HOMER2: variants seen among roughly 807,000 people sequenced by gnomAD.
HOMER2 encodes the protein homer protein homolog 2.
HOMER2 carries 27 observed loss-of-function variants against 47.0 expected under a neutral mutation model. The observed-to-expected ratio is 0.57, with a 90% confidence interval of 0.42 to 0.79. The LOEUF (loss-of-function observed/expected upper bound fraction) is 0.79, where lower values mean the gene tolerates loss of function less well. Among genes scored for constraint, HOMER2 ranks in the 30% least tolerant of loss-of-function variants. The probability of loss-of-function intolerance (pLI) is 0.00; values close to 1 mark genes in which losing one functional copy is unlikely to be tolerated. For missense variants in HOMER2, 443 were observed against 435.0 expected (o/e 1.02, Z -0.16); for synonymous variants, 161 against 163.8 (o/e 0.98, Z 0.13).
chr15:82,983,230 G>A (rs1294805986), intron 1 of HOMER2, among the ~76,000 whole-genome samples: 2 of 152,122 alleles, frequency 1.3e-5, no homozygotes, highest in Non-Finnish European at 2.9e-5. Context: ...GTTTGTATAG[G>A]TATTCAAAGT....
At chr15:82,929,653 C>CAA (rs373315567) in intron 1 of HOMER2, among the ~76,000 whole-genome samples, 1,758 of 90,764 alleles carry the variant, frequency 0.019, 63 homozygotes, top group African/African-American at 0.057. Flanking sequence ...GTGAGACTAT[C>CAA]AAAAAAAAAA....
chr15:82,977,786 G>A (rs1365069884), intron 1 of HOMER2, among the ~76,000 whole-genome samples: 2 of 152,096 alleles, frequency 1.3e-5, no homozygotes, highest in Non-Finnish European at 2.9e-5. Flanking sequence ...ACAAGAGGTG[G>A]GCTGAGTCTT....
intron 5 of HOMER2, among the ~76,000 whole-genome samples, chr15:82,856,069 A>T (rs144769381): frequency 6.6e-6 from 1 of 152,234 alleles, no homozygotes; most frequent in East Asian, 1.9e-4. Context: ...TTATCCCACA[A>T]CCTCAAGGAC....
At chr15:82,872,967 A>C (rs1310578008) in intron 3 of HOMER2, among the ~76,000 whole-genome samples, 2 of 152,232 alleles carry the variant, frequency 1.3e-5, no homozygotes, top group African/African-American at 2.4e-5. Flanking sequence ...AGGCCTTTAC[A>C]GCAAAACAGA....
intron 1 of HOMER2, among the ~76,000 whole-genome samples, chr15:82,907,634 T>C (rs1190731615): frequency 1.3e-5 from 2 of 152,168 alleles, no homozygotes; most frequent in Non-Finnish European, 2.9e-5. Context: ...CAATGGGGTA[T>C]AATTGGCACC....
intron 1 of HOMER2, among the ~76,000 whole-genome samples, chr15:82,918,340 C>A (rs777316143): frequency 1.2e-4 from 18 of 152,090 alleles, no homozygotes; most frequent in Non-Finnish European, 2.2e-4. Context: ...AGGTCTTTGC[C>A]AGGGATCCTC....
chr15:82,944,718 C>T (rs1481173641), intron 1 of HOMER2, among the ~76,000 whole-genome samples: 1 of 151,566 alleles, frequency 6.6e-6, no homozygotes, highest in Non-Finnish European at 1.5e-5. Flanking sequence ...GCTGTGGTGA[C>T]ATTTCAGTGG....
intron 2 of HOMER2, among the ~76,000 whole-genome samples, chr15:82,889,039 C>T (rs2078250569): frequency 6.6e-6 from 1 of 152,310 alleles, no homozygotes; most frequent in Admixed American, 6.5e-5. Flanking sequence ...AGAAGTACCA[C>T]TCAGAAGCTC....
intron 3 of HOMER2, among the ~76,000 whole-genome samples, chr15:82,864,907 T>TTAA (rs2051916114): frequency 6.6e-6 from 1 of 152,276 alleles, no homozygotes; most frequent in Non-Finnish European, 1.5e-5. Flanking sequence ...GAGAATAGCC[T>TTAA]GTGATAATGG....
chr15:82,854,264 G>C (rs1300332488), intron 6 of HOMER2, among the ~76,000 whole-genome samples: 1 of 152,070 alleles, frequency 6.6e-6, no homozygotes, highest in Non-Finnish European at 1.5e-5. Flanking sequence ...AATTAGCCAG[G>C]CATGGTGGCA....
intron 2 of HOMER2, among the ~76,000 whole-genome samples, chr15:82,879,965 A>G (rs1037588210): frequency 6.6e-6 from 1 of 151,838 alleles, no homozygotes; most frequent in African/African-American, 2.4e-5. Context: ...GCATGGATGA[A>G]TCACAAAAAT....
At chr15:82,934,416 T>C (rs980788100) in intron 1 of HOMER2, among the ~76,000 whole-genome samples, 11 of 152,072 alleles carry the variant, frequency 7.2e-5, no homozygotes, top group Middle Eastern at 3.4e-3. Flanking sequence ...TTAGTGACCC[T>C]CACCCACAGC....
In HOMER2 at chr15:82,944,429, C is replaced by T. The variant is rs72755934; in HGVS notation, c.5+8102G>A. Among the ~76,000 whole-genome samples, 184 of 152,334 alleles carry T rather than the reference C, an allele frequency of 1.2e-3. 2 individuals are homozygous for T. The highest frequency in any genetic ancestry group is 2.2e-3 in the Non-Finnish European group (147 of 68,030). ...AATTAGAAGCTTTATGCCCCAATTC[C>T]TCACAATGCTTCTTTTTGCTCAATT... On this transcript the variant is annotated intron_variant, in intron 1 of 8. Transcript: ENST00000450735.
At chr15:82,869,370 A>G (rs2052100400) in intron 3 of HOMER2, among the ~76,000 whole-genome samples, 1 of 150,112 alleles carries the variant, frequency 6.7e-6, no homozygotes, top group Non-Finnish European at 1.5e-5. Flanking sequence ...TAGATTATAT[A>G]TCTCATTTTA....
downstream of HOMER2, among the ~76,000 whole-genome samples, chr15:82,848,502 G>A (rs1432624254): frequency 6.6e-6 from 1 of 152,220 alleles, no homozygotes; most frequent in Non-Finnish European, 1.5e-5. Flanking sequence ...AGAGAGGAGA[G>A]GTTTATGGCT....
chr15:82,902,664 G>A (rs948743759), intron 1 of HOMER2, among the ~76,000 whole-genome samples: 1 of 152,096 alleles, frequency 6.6e-6, no homozygotes, highest in Admixed American at 6.5e-5. Flanking sequence ...ATATTACACT[G>A]TAATGAAACA....
upstream of HOMER2, among the ~76,000 whole-genome samples, chr15:82,956,917 T>G (rs2151247919): frequency 6.6e-6 from 1 of 152,218 alleles, no homozygotes; most frequent in Non-Finnish European, 1.5e-5. Flanking sequence ...CACGGGCAAG[T>G]TTTTAACTTC....
chr15:82,849,974 C>A, intron 8 of HOMER2, 71 bp from the exon 9 acceptor site: 1 of 1,473,972 alleles, frequency 6.8e-7, no homozygotes, highest in Non-Finnish European at 9.3e-7. Context: ...CCTGCTACAG[C>A]TGAACCAACC....
intron 2 of HOMER2, among the ~76,000 whole-genome samples, chr15:82,882,393 G>A (rs1655988185): frequency 6.6e-6 from 1 of 152,154 alleles, no homozygotes; most frequent in South Asian, 2.1e-4. Flanking sequence ...GATGAGCCAG[G>A]CATGGCTGCC....
Sources: allele counts gnomAD v4.1 joint callset (sites outside exome capture counted in the v4.1 genomes callset), GRCh38; gene constraint gnomAD v4.1.1; transcripts MANE v1.5; gene names NCBI Gene and HGNC (gene_info 2026-07-23, HGNC 2026-07-21).